Variants in CDH19 observed in about 807,000 individuals in gnomAD.
The protein encoded by CDH19 is cadherin-19.
CDH19 carries 67 observed loss-of-function variants against 64.2 expected under a neutral mutation model. The observed-to-expected ratio is 1.04, with a 90% confidence interval of 0.86 to 1.28. The LOEUF (loss-of-function observed/expected upper bound fraction) is 1.28, where lower values mean the gene tolerates loss of function less well. Among genes scored for constraint, CDH19 ranks in the 50% most tolerant of loss-of-function variants. The pLI, the probability that CDH19 is intolerant of heterozygous loss-of-function variation, is 0.00. For missense variants in CDH19, 1,030 were observed against 929.0 expected, an observed-to-expected ratio of 1.11 and a Z score of -1.41; for synonymous variants, 346 against 319.3, an observed-to-expected ratio of 1.08 and a Z score of -0.89.
At chr18:66,560,896 C>A (rs1987696842) in intron 3 of CDH19, among the ~76,000 whole-genome samples, 1 of 151,878 alleles carries the variant, frequency 6.6e-6, no homozygotes, top group Non-Finnish European at 1.5e-5. Context: ...AAATTAAATT[C>A]TACATTTTAT....
At chr18:66,543,253 T>C (rs1443406223) in intron 7 of CDH19, among the ~76,000 whole-genome samples, 1 of 151,990 alleles carries the variant, frequency 6.6e-6, no homozygotes, top group Non-Finnish European at 1.5e-5. Context: ...GGTCTCGATC[T>C]CCTGACCTCG....
intron 7 of CDH19, among the ~76,000 whole-genome samples, chr18:66,542,779 G>C (rs536377058): frequency 6.6e-6 from 1 of 151,998 alleles, no homozygotes. Context: ...ATTGTCATAG[G>C]AGCATGAATC....
intron 3 of CDH19, among the ~76,000 whole-genome samples, chr18:66,560,022 T>C (rs1987663032): frequency 6.6e-6 from 1 of 151,976 alleles, no homozygotes; most frequent in Non-Finnish European, 1.5e-5. Context: ...TTTTTGTTTG[T>C]TTGTTTCTTT....
chr18:66,572,425 T>C (rs905095422), intron 1 of CDH19, 109 bp from the exon 2 acceptor site: 2 of 365,602 alleles, frequency 5.5e-6, no homozygotes, highest in African/African-American at 4.1e-5. Context: ...GGAATAAAAA[T>C]AAACATTTAA....
intron 1 of CDH19, among the ~76,000 whole-genome samples, chr18:66,597,943 A>T (rs1416806728): frequency 2.6e-5 from 4 of 152,128 alleles, no homozygotes; most frequent in Admixed American, 2.0e-4. Context: ...CCTAATGTAA[A>T]TGACGAGTTA....
chr18:66,567,412 C>A (rs886337586), intron 3 of CDH19, among the ~76,000 whole-genome samples: 1 of 151,144 alleles, frequency 6.6e-6, no homozygotes, highest in Non-Finnish European at 1.5e-5. Context: ...CTTTGCCTAC[C>A]TACCAAAATA....
At chr18:66,582,691 G>A (rs1486502247) in intron 1 of CDH19, among the ~76,000 whole-genome samples, 2 of 144,956 alleles carry the variant, frequency 1.4e-5, no homozygotes, top group African/African-American at 5.1e-5. Flanking sequence ...AGCAGTGTGA[G>A]TCAGAATAGC....
intron 1 of CDH19, among the ~76,000 whole-genome samples, chr18:66,591,718 C>G (rs1291919620): frequency 3.3e-5 from 5 of 151,804 alleles, no homozygotes; most frequent in Non-Finnish European, 7.4e-5. Flanking sequence ...TATTTACCTA[C>G]TTTCCTATTT....
chr18:66,544,779 C>T lies in CDH19; in HGVS notation c.900G>A (p.Ser300=), dbSNP rs546188565. 9.9e-6 allele frequency: 16 copies of T among 1,611,326 alleles called. No individual in the cohort carries two copies. In the Admixed American group the frequency reaches 1.8e-4, roughly 18 times the overall value. The change falls in exon 6 of 12, where the codon TCG becomes TCA. Residue 300 remains serine, a synonymous_variant. Coordinates refer to ENST00000262150, the MANE Select transcript of CDH19 (RefSeq NM_021153.4). ...EMDYSIEEDD[S]QTFDIITNHE... is the part of the protein sequence containing the mutation. Reference sequence around the variant, plus strand: ...GATTAGTAATAATGTCAAATGTTTGCGAATCATCCTCTTCAATGCTGTAAT... The same window carrying T: ...GATTAGTAATAATGTCAAATGTTTGTGAATCATCCTCTTCAATGCTGTAAT...
chr18:66,557,298 A>C (rs1987554163), intron 3 of CDH19, among the ~76,000 whole-genome samples: 2 of 151,940 alleles, frequency 1.3e-5, no homozygotes, highest in South Asian at 2.1e-4. Flanking sequence ...CATAGAAAGC[A>C]AAGAGGTAGT....
At chr18:66,540,207 C>A (rs984358773) in intron 7 of CDH19, among the ~76,000 whole-genome samples, 6 of 152,096 alleles carry the variant, frequency 3.9e-5, no homozygotes, top group African/African-American at 1.4e-4. Context: ...TGCTTGTGAT[C>A]TAATCTTTTT....
At position 66,548,924 on chromosome 18, in the gene CDH19, A is replaced by G. The variant is rs368117544; in HGVS notation, c.775+2170T>C. 6.6e-5 allele frequency among the ~76,000 whole-genome samples: 10 copies of G among 152,316 alleles called. No homozygotes were observed. In the East Asian group the frequency reaches 1.7e-3, roughly 26 times the overall value. On this transcript the variant is annotated intron_variant, in intron 5 of 11. Coordinates refer to ENST00000262150, the MANE Select transcript of CDH19 (RefSeq NM_021153.4). ...TTCGATGTGATAGATATGAACCAGC[A>G]GAGGACGCTGTTCACACAAGGGAGA...
intron 3 of CDH19, among the ~76,000 whole-genome samples, chr18:66,557,172 C>G (rs996318237): frequency 1.3e-5 from 2 of 151,940 alleles, no homozygotes; most frequent in African/African-American, 4.8e-5. Flanking sequence ...TCTCATTTCT[C>G]TTGATTTCCC....
chr18:66,578,184 A>G (rs940986280), intron 1 of CDH19, among the ~76,000 whole-genome samples: 1 of 151,966 alleles, frequency 6.6e-6, no homozygotes, highest in African/African-American at 2.4e-5. Context: ...GGTCTACCTC[A>G]GATGATAATT....
rs1164637897 is a variant in CDH19 at position 66,568,687 on chromosome 18, T to A, written c.219A>T (p.Gly73=). ...AAAGCTTGTACTGGAAAGAATTGTTTCCATTGTCTAAATCAGATCTTAGCT... is the reference window on the plus strand; with the variant it reads ...AAAGCTTGTACTGGAAAGAATTGTTACCATTGTCTAAATCAGATCTTAGCT... ...IGQLRSDLDN[G]NNSFQYKLLG... The change falls in exon 3 of 12, where the codon GGA becomes GGT. Residue 73 remains glycine (G), a synonymous_variant. Transcript: ENST00000262150. 10 of 1,608,772 alleles carry A rather than the reference T, an allele frequency of 6.2e-6. No individual in the cohort carries two copies. Among genetic ancestry groups the A allele is most frequent in the Middle Eastern group, 1.7e-4 (1 of 6,034 alleles).
rs115865447 is a variant in CDH19 at position 66,514,812 on chromosome 18, C to G, written c.1459-3127G>C. On this transcript the variant is annotated intron_variant, in intron 9 of 11. Coordinates refer to ENST00000262150, the MANE Select transcript of CDH19 (RefSeq NM_021153.4). ...TAATTATCCTGAGCCAAAAATAAGC[C>G]CAATACTCACATTCTTCAAACCAAA... Among the ~76,000 whole-genome samples the G allele has an allele frequency of 5.7e-3, 868 of 151,436 alleles. 9 individuals carry two copies. The highest frequency in any genetic ancestry group is 0.02 in the African/African-American group (813 of 41,426).
chr18:66,559,598 C>G (rs1027955760), intron 3 of CDH19, among the ~76,000 whole-genome samples: 2 of 151,264 alleles, frequency 1.3e-5, no homozygotes, highest in African/African-American at 2.4e-5. Flanking sequence ...CATATAGTTA[C>G]AGAAAAACAT....
intron 1 of CDH19, chr18:66,596,222 G>T (rs559138487): frequency 2.0e-5 from 3 of 152,046 alleles, no homozygotes; most frequent in African/African-American, 7.2e-5. Flanking sequence ...ATGGGCAAGC[G>T]CTGGAAACAT....
intron 9 of CDH19, among the ~76,000 whole-genome samples, chr18:66,518,672 T>G (rs1490207069): frequency 6.6e-6 from 1 of 152,186 alleles, no homozygotes; most frequent in Non-Finnish European, 1.5e-5. Context: ...TGTTAACTTT[T>G]TATTATTTTT....
Sources: gnomAD v4.1 joint callset for allele counts (sites outside exome capture counted in the v4.1 genomes callset) on GRCh38, gnomAD v4.1.1 for gene constraint, MANE v1.5 for transcripts, NCBI Gene and HGNC (gene_info 2026-07-23, HGNC 2026-07-21) for gene names.